Variants in C19orf25 observed in about 807,000 individuals in gnomAD.
C19orf25 encodes the protein UPF0449 protein C19orf25.
C19orf25 carries 1 observed loss-of-function variant against 3.1 expected under a neutral mutation model. The observed-to-expected ratio is 0.32, with a 90% CI of 0.12 to 1.54. The LOEUF (loss-of-function observed/expected upper bound fraction) is 1.54. Ranked by LOEUF, C19orf25 falls within the 40% of genes most tolerant of loss-of-function variation. The pLI is 0.38. For missense variants in C19orf25, 196 were observed against 160.4 expected (o/e 1.22, Z -1.20); for synonymous variants, 91 against 74.3 (o/e 1.23, Z -1.16).
chr19:1,478,595 C>G, intron 2 of C19orf25, 179 bp downstream of exon 2: 2 of 1,400,442 alleles, frequency 1.4e-6, no homozygotes, highest in Non-Finnish European at 1.9e-6. Context: ...CAGAAGAACC[C>G]TCTGAAAATC....
In C19orf25 at chr19:1,474,825, C is replaced by T. The variant is rs1178027290; in HGVS notation, c.*207G>A. 1 of 1,453,230 alleles carries T rather than the reference C, an allele frequency of 6.9e-7. No homozygotes were observed. The highest frequency in any genetic ancestry group is 9.1e-7 in the Non-Finnish European group (1 of 1,104,444). The allele number at this position is 1,453,230 out of a possible 1,614,324, so 90.0% of individuals were successfully genotyped here. A position where few individuals can be genotyped will look rare whatever the true frequency, so the allele number is the denominator to read the frequency against. Reference sequence around the variant, plus strand: ...ACCCCAGTGGGGCCCTCAGGTCACGCAGGACGGAGCCAGCTGGGTGGGTCC... The same window carrying T: ...ACCCCAGTGGGGCCCTCAGGTCACGTAGGACGGAGCCAGCTGGGTGGGTCC... On this transcript the variant is annotated 3_prime_UTR_variant, in exon 3 of 3. Transcript: ENST00000585675.
rs1216637794 is a variant in C19orf25, at chr19:1,478,929, G to C, written c.-2-24C>G. On this transcript the variant is annotated intron_variant, in intron 1 of 2. Transcript: ENST00000585675. Reference sequence around the variant, plus strand: ...CTCTGAAGGCGGGGAAGGGGGCGCTGACCGGGGCGTCCACCTCTCCGCCCT... The same window carrying C: ...CTCTGAAGGCGGGGAAGGGGGCGCTCACCGGGGCGTCCACCTCTCCGCCCT... The C allele has an allele frequency of 3.8e-6, 6 of 1,571,690 alleles. No individual in the cohort carries two copies. The African/African-American group carries it at 8.3e-5, about 22-fold the overall frequency.
At chr19:1,475,328 C>T (rs1870546119) in intron 2 of C19orf25, 70 bp from the exon 3 acceptor site, 2 of 1,437,654 alleles carry the variant, frequency 1.4e-6, no homozygotes, top group South Asian at 1.4e-5. Context: ...TCACTACTGC[C>T]CCCAAAGGGC....
Position 1,474,683 on chromosome 19 carries a change from T to C in C19orf25, c.*349A>G, listed in dbSNP as rs1372555294. 2 of 892,512 alleles carry C rather than the reference T, an allele frequency of 2.2e-6. No homozygotes were observed. The highest frequency in any genetic ancestry group is 5.4e-5 in the East Asian group (2 of 36,978). 55.3% of individuals were successfully genotyped at this position (892,512 alleles called of 1,614,324 possible). A position where few individuals can be genotyped will look rare whatever the true frequency, so the allele number is the denominator to read the frequency against. ...ACTCAGAAGTGGACAGGCGAGTGCC[T>C]GCCCCGGGAGAGGAAGGAGGTGGCA... is the stretch of plus-strand genomic sequence containing the variant. On this transcript the variant is annotated 3_prime_UTR_variant, in exon 3 of 3. Transcript: ENST00000585675.
At position 1,478,778 on chromosome 19, in the gene C19orf25, C is replaced by T. The variant is rs911657601; in HGVS notation, c.126G>A (p.Pro42=). 5.7e-6 allele frequency: 9 copies of T among 1,572,132 alleles called. No homozygotes were observed. Among genetic ancestry groups the T allele is most frequent in the Non-Finnish European group, 6.0e-6 (7 of 1,159,446 alleles). The change falls in exon 2 of 3, where the codon CCG becomes CCA. Residue 42 remains proline (P), a synonymous_variant. Transcript: ENST00000585675. ...AEDPVFTILA[P]EDPPVPFRMM... is the part of the protein sequence containing the mutation. ...CCGGGACCGGGCTCCCCCTACCTTC[C>T]GGGGCCAGGATGGTGAACACTGGAT...
At chr19:1,476,048 G>A (rs1444715341) in intron 2 of C19orf25, 10 of 396,696 alleles carry the variant, frequency 2.5e-5, no homozygotes, top group African/African-American at 4.1e-5. Context: ...CAGGGGTGGC[G>A]AAGGTGAGAG....
chr19:1,475,622 G>A (rs529327647), intron 2 of C19orf25: 81 of 237,226 alleles, frequency 3.4e-4, no homozygotes, highest in Non-Finnish European at 5.3e-4. Flanking sequence ...CTGGGAGGCC[G>A]AGGCTGCAAT....
chr19:1,478,897 A>G lies in C19orf25; in HGVS notation c.7T>C (p.Ser3Pro), dbSNP rs2084235221. ...AGCAGCACGCGCTTCTTTGCCTTGGAGCCCATCTCTGAAGGCGGGGAAGGG... is the reference window on the plus strand; with the variant it reads ...AGCAGCACGCGCTTCTTTGCCTTGGGGCCCATCTCTGAAGGCGGGGAAGGG... MG[S>P]KAKKRVLLPT... The change falls in exon 2 of 3, where the codon TCC (serine) becomes CCC (proline). Residue 3 changes from serine to proline, a missense_variant. By Grantham distance (74) the Ser-to-Pro change is moderately conservative. Coordinates refer to ENST00000585675, the MANE Select transcript of C19orf25 (RefSeq NM_152482.3). The G allele has an allele frequency of 1.3e-6, 2 of 1,591,260 alleles. No homozygotes were observed. Among genetic ancestry groups the G allele is most frequent in the African/African-American group, 1.4e-5 (1 of 73,282 alleles).
At position 1,473,363 on chromosome 19, in the gene C19orf25, GC is replaced by G. The variant is rs2084168225; in HGVS notation, c.*1668del. 1 of 152,294 alleles carries G rather than the reference GC, an allele frequency of 6.6e-6. No individual in the cohort carries two copies. The highest frequency in any genetic ancestry group is 6.5e-5 in the Admixed American group (1 of 15,288). 9.4% of individuals were successfully genotyped at this position (152,294 alleles called of 1,614,324 possible). ...AGATCCCTGGAAGCAGAGCCAGAAA[GC>G]AGAAACTGGGGGCACAGGGTTTGTG... On this transcript the variant is annotated 3_prime_UTR_variant, in exon 3 of 3. Coordinates refer to ENST00000585675, the MANE Select transcript of C19orf25 (RefSeq NM_152482.3).
rs1481260812 is a variant in C19orf25 at position 1,479,190 on chromosome 19, T to C, written c.-30A>G. ...GGGCGCGGGACCCGAAAGCCCAGCG[T>C]CGACGACGCAGCCACTTCCGATTCC... On this transcript the variant is annotated 5_prime_UTR_variant, in exon 1 of 3. Coordinates refer to ENST00000585675, the MANE Select transcript of C19orf25 (RefSeq NM_152482.3). 4 of 1,269,262 alleles carry C rather than the reference T, an allele frequency of 3.2e-6. No individual in the cohort carries two copies. Among genetic ancestry groups the C allele is most frequent in the Non-Finnish European group, 4.0e-6 (4 of 1,007,674 alleles). 78.6% of individuals were successfully genotyped at this position (1,269,262 alleles called of 1,614,324 possible).
In C19orf25 at chr19:1,477,939, A is replaced by G. The variant is rs146485863; in HGVS notation, c.130+835T>C. 8.2e-3 allele frequency among the ~76,000 whole-genome samples: 1,243 copies of G among 152,266 alleles called. 14 individuals are homozygous for G. The highest frequency in any genetic ancestry group is 0.028 in the African/African-American group (1,180 of 41,524). ...ACTGCAACCTCCGACTCCCAGGTTC[A>G]AGTGATTCTCCTGCCTCAGTCTCCT... On this transcript the variant is annotated intron_variant, in intron 2 of 2. Coordinates refer to ENST00000585675, the MANE Select transcript of C19orf25 (RefSeq NM_152482.3).
At chr19:1,475,316 C>T in intron 2 of C19orf25, 58 bp from the exon 3 acceptor site, 3 of 1,471,996 alleles carry the variant, frequency 2.0e-6, no homozygotes, top group Non-Finnish European at 2.7e-6. Context: ...CCTGGGCACC[C>T]CTCACTACTG....
intron 2 of C19orf25, among the ~76,000 whole-genome samples, chr19:1,477,697 G>A (rs1332899929): frequency 1.3e-5 from 2 of 152,132 alleles, no homozygotes; most frequent in Non-Finnish European, 2.9e-5. Context: ...TCTTTCAGGT[G>A]TCAGAAATGT....
intron 2 of C19orf25, chr19:1,476,474 G>T (rs1010800638): frequency 2.5e-6 from 1 of 393,662 alleles, no homozygotes; most frequent in Non-Finnish European, 4.5e-6. Flanking sequence ...TCAGGTGACC[G>T]AACTGCATGC....
chr19:1,475,005 C>A lies in C19orf25; in HGVS notation c.*27G>T. On this transcript the variant is annotated 3_prime_UTR_variant, in exon 3 of 3. Transcript: ENST00000585675. ...GCCTGGGTGCAGGCCACCTTGTGCG[C>A]TGCCCAAGCCTGCAGGCCCCGAGAG... 1 of 1,555,114 alleles carries A rather than the reference C, an allele frequency of 6.4e-7. No individual in the cohort carries two copies.
At chr19:1,478,514 T>C in intron 2 of C19orf25, 2 of 1,128,172 alleles carry the variant, frequency 1.8e-6, no homozygotes, top group Non-Finnish European at 2.3e-6. Context: ...GCTCAAGCGA[T>C]CCTCCCGCCT....
intron 2 of C19orf25, among the ~76,000 whole-genome samples, chr19:1,477,798 C>G (rs1304531125): frequency 1.3e-5 from 2 of 152,160 alleles, no homozygotes; most frequent in Non-Finnish European, 2.9e-5. Flanking sequence ...TTGGGGGGCC[C>G]TAGCTTACCA....
chr19:1,476,234 C>T, intron 2 of C19orf25: 1 of 398,658 alleles, frequency 2.5e-6, no homozygotes, highest in East Asian at 3.6e-5. Flanking sequence ...TGTGGTCTCC[C>T]ACGGACGAAG....
At position 1,475,123 on chromosome 19, in the gene C19orf25, A is replaced by G. The variant is rs1444422504; in HGVS notation, c.266T>C (p.Leu89Pro). The G allele has an allele frequency of 6.2e-7, 1 of 1,602,848 alleles. No individual in the cohort carries two copies. ...AGNVLRQRCE[L>P]LQRAGEDLER... The stretch of plus-strand genomic sequence containing the variant: ...CAGGTCCTCGCCGGCTCGCTGCAGG[A>G]GCTCACACCTCTGCCTCAGCACGTT... Residue 89 changes from leucine to proline, a missense_variant, in exon 3 of 3, where the codon CTC (leucine) becomes CCC (proline). Physicochemically the swap from Leu to Pro is moderately conservative, Grantham distance 98. Coordinates refer to ENST00000585675, the MANE Select transcript of C19orf25 (RefSeq NM_152482.3).
Sources: gnomAD v4.1 joint callset for allele counts (sites outside exome capture counted in the v4.1 genomes callset) on GRCh38, gnomAD v4.1.1 for gene constraint, MANE v1.5 for transcripts, NCBI Gene and HGNC (gene_info 2026-07-23, HGNC 2026-07-21) for gene names.